Variants in TTC33 observed in about 807,000 individuals in gnomAD.
The protein encoded by TTC33 is tetratricopeptide repeat protein 33.
Under a neutral mutation model 29.4 loss-of-function variants are expected in TTC33, and 24 were observed. That is an observed-to-expected ratio of 0.82 (90% confidence interval 0.59 to 1.15). TTC33 has a LOEUF of 1.15. Ranked by LOEUF, TTC33 falls within the 50% of genes most tolerant of loss-of-function variation. The pLI, the probability that TTC33 is intolerant of heterozygous loss-of-function variation, is 0.00. For missense variants in TTC33, 286 were observed against 310.4 expected (o/e 0.92, Z 0.59); for synonymous variants, 107 against 100.3 (o/e 1.07, Z -0.40).
intron 1 of TTC33, among the ~76,000 whole-genome samples, chr5:40,749,300 G>A (rs1462927655): frequency 6.6e-6 from 1 of 152,118 alleles, no homozygotes; most frequent in African/African-American, 2.4e-5. Flanking sequence ...AAGATACTAA[G>A]AAACACTGGG....
chr5:40,739,708 A>AGAACC (rs1222302579), intron 2 of TTC33, among the ~76,000 whole-genome samples: 1 of 152,218 alleles, frequency 6.6e-6, no homozygotes, highest in Non-Finnish European at 1.5e-5. Context: ...TGCAGCCCAC[A>AGAACC]GAACCGTGAG....
At chr5:40,724,750 G>A (rs1322080661) in intron 4 of TTC33, among the ~76,000 whole-genome samples, 1 of 151,598 alleles carries the variant, frequency 6.6e-6, no homozygotes, top group South Asian at 2.1e-4. Context: ...CATTTATAAA[G>A]ACTATAATTC....
intron 3 of TTC33, 111 bp downstream of exon 3, chr5:40,730,151 G>GT (rs1373297540): frequency 2.2e-5 from 17 of 782,194 alleles, no homozygotes; most frequent in Non-Finnish European, 3.2e-5. Context: ...CAAAGAAACC[G>GT]TATTTGTAAA....
intron 2 of TTC33, among the ~76,000 whole-genome samples, chr5:40,736,172 A>G (rs953119660): frequency 5.3e-5 from 8 of 152,246 alleles, no homozygotes; most frequent in African/African-American, 1.7e-4. Context: ...ATGACAGATC[A>G]TATAGGCACA....
chr5:40,753,402 T>C (rs1742932397), intron 1 of TTC33, among the ~76,000 whole-genome samples: 1 of 147,532 alleles, frequency 6.8e-6, no homozygotes, highest in South Asian at 2.2e-4. Context: ...GAAAGAAATA[T>C]ACAGGCTGAT....
At chr5:40,719,330 GTTTC>G (rs1052551720) in intron 4 of TTC33, among the ~76,000 whole-genome samples, 27 of 152,198 alleles carry the variant, frequency 1.8e-4, no homozygotes, top group African/African-American at 5.3e-4. Flanking sequence ...TTTATGTCTG[GTTTC>G]TTTCACTTAA....
intron 1 of TTC33, among the ~76,000 whole-genome samples, chr5:40,751,961 G>GAAAAAAAA (rs61319403): frequency 7.9e-6 from 1 of 126,918 alleles, no homozygotes; most frequent in Non-Finnish European, 1.7e-5. Flanking sequence ...CGTCTCAAAA[G>GAAAAAAAA]AAAAAAAAAA....
At chr5:40,725,110 C>A (rs991576569) in intron 4 of TTC33, among the ~76,000 whole-genome samples, 13 of 151,414 alleles carry the variant, frequency 8.6e-5, no homozygotes, top group Non-Finnish European at 1.6e-4. Flanking sequence ...AGCCTCCCAA[C>A]ATGCTGGGAT....
intron 2 of TTC33, 105 bp downstream of exon 2, chr5:40,746,693 T>C: frequency 1.1e-6 from 1 of 894,534 alleles, no homozygotes; most frequent in Non-Finnish European, 1.7e-6. Flanking sequence ...CTAGAATAGA[T>C]TTTTAAACAT....
rs1403137463 is a variant in TTC33 at position 40,746,787 on chromosome 5, TA to T, written c.221+10del. On this transcript the variant is annotated intron_variant, in intron 2 of 4. Coordinates refer to ENST00000337702, the MANE Select transcript of TTC33 (RefSeq NM_012382.3). Reference sequence around the variant, plus strand: ...GCTCTTCTCCATAAAAAAAAAACTTTAAATACATACCTTTTATTTTCAGCCA... The same window carrying T: ...GCTCTTCTCCATAAAAAAAAAACTTTAATACATACCTTTTATTTTCAGCCA... 2 of 1,598,556 alleles carry T rather than the reference TA, an allele frequency of 1.3e-6. No homozygotes were observed. Among genetic ancestry groups the T allele is most frequent in the Non-Finnish European group, 1.7e-6 (2 of 1,174,352 alleles).
chr5:40,750,131 A>G (rs1029035163), intron 1 of TTC33, among the ~76,000 whole-genome samples: 2 of 151,586 alleles, frequency 1.3e-5, no homozygotes, highest in Non-Finnish European at 2.9e-5. Flanking sequence ...AAAATATTTT[A>G]TTGCTAAGAA....
At chr5:40,745,042 TACAC>T (rs1289816982) in intron 2 of TTC33, among the ~76,000 whole-genome samples, 1 of 152,204 alleles carries the variant, frequency 6.6e-6, no homozygotes, top group Non-Finnish European at 1.5e-5. Flanking sequence ...AATTAAATGA[TACAC>T]ACAAGGAAGC....
intron 4 of TTC33, among the ~76,000 whole-genome samples, chr5:40,716,908 G>C (rs1742012957): frequency 6.6e-6 from 1 of 152,128 alleles, no homozygotes; most frequent in Admixed American, 6.5e-5. Context: ...TTTATTGACT[G>C]TTTACTACAT....
intron 2 of TTC33, among the ~76,000 whole-genome samples, chr5:40,730,601 C>T (rs1171077974): frequency 6.6e-6 from 1 of 152,098 alleles, no homozygotes; most frequent in Non-Finnish European, 1.5e-5. Context: ...CCTCATTGCC[C>T]CCTCCTCCAC....
chr5:40,741,256 G>A (rs1442323107), intron 2 of TTC33, among the ~76,000 whole-genome samples: 1 of 152,106 alleles, frequency 6.6e-6, no homozygotes, highest in Non-Finnish European at 1.5e-5. Flanking sequence ...GGTTTTCTAG[G>A]GAAGGTCTGA....
chr5:40,742,364 A>C (rs1158668543), intron 2 of TTC33, among the ~76,000 whole-genome samples: 4 of 152,206 alleles, frequency 2.6e-5, no homozygotes, highest in African/African-American at 4.8e-5. Flanking sequence ...TATTTACTAC[A>C]TGACAGGCAA....
intron 1 of TTC33, 77 bp downstream of exon 1, chr5:40,755,747 C>A (rs1742974820): frequency 6.5e-6 from 1 of 152,712 alleles, no homozygotes. Context: ...GCCCCAGTTA[C>A]CCGATAACGG....
intron 4 of TTC33, among the ~76,000 whole-genome samples, chr5:40,723,968 A>G (rs1253400413): frequency 2.6e-5 from 4 of 152,238 alleles, no homozygotes; most frequent in Non-Finnish European, 4.4e-5. Flanking sequence ...TGTAGCCATT[A>G]TGGAGTTTCT....
intron 2 of TTC33, among the ~76,000 whole-genome samples, chr5:40,730,726 AAAATAAAGGATTAGC>A (rs1742407208): frequency 6.6e-6 from 1 of 152,200 alleles, no homozygotes; most frequent in South Asian, 2.1e-4. Context: ...GTAAAAATCC[AAAATAAAGGATTAGC>A]AAATTAAGTC....
Sources: allele counts gnomAD v4.1 joint callset (sites outside exome capture counted in the v4.1 genomes callset), GRCh38; gene constraint gnomAD v4.1.1; transcripts MANE v1.5; gene names NCBI Gene and HGNC (gene_info 2026-07-23, HGNC 2026-07-21).